Variants in MBNL2 observed in about 807,000 individuals in gnomAD.
MBNL2 encodes muscleblind-like protein 2.
In MBNL2, 17 loss-of-function variants were observed where a neutral mutation model predicts 41.9. That is an observed-to-expected ratio of 0.41 (90% confidence interval 0.28 to 0.61). The LOEUF is 0.61. MBNL2 is among the 20% of genes least tolerant of loss of function. The probability of loss-of-function intolerance (pLI) is 0.35; values close to 1 mark genes in which losing one functional copy is unlikely to be tolerated. For synonymous variants in MBNL2, 195 were observed against 182.9 expected (o/e 1.07, Z -0.53); for missense variants, 336 against 505.6 (o/e 0.66, Z 3.22).
intron 1 of MBNL2, among the ~76,000 whole-genome samples, chr13:97,251,338 T>G (rs566825174): frequency 5.9e-5 from 9 of 152,096 alleles, no homozygotes. Flanking sequence ...TATTACACAT[T>G]GCATGCCTGT....
chr13:97,310,904 C>T (rs1420173989), intron 2 of MBNL2, among the ~76,000 whole-genome samples: 1 of 151,046 alleles, frequency 6.6e-6, no homozygotes, highest in East Asian at 1.9e-4. Flanking sequence ...CTCTGAGTTT[C>T]CTGGCAGTTA....
rs1214893669 is a variant in MBNL2 at position 97,393,534 on chromosome 13, AT to A, written c.*2089del. On this transcript the variant is annotated 3_prime_UTR_variant, in exon 9 of 9. Coordinates refer to ENST00000679496, the MANE Select transcript of MBNL2 (RefSeq NM_001382683.1). ...GACTGTATTTTTTACTATGATATCCATTTTCCAGAATTGTGATTACAATATG... is the reference window on the plus strand; with the variant it reads ...GACTGTATTTTTTACTATGATATCCATTTCCAGAATTGTGATTACAATATG... 6.6e-6 allele frequency: 1 copy of A among 152,382 alleles called. No individual in the cohort carries two copies. Among genetic ancestry groups the A allele is most frequent in the Non-Finnish European group, 1.5e-5 (1 of 67,942 alleles). The allele number at this position is 152,382 out of a possible 1,614,324, so 9.4% of individuals were successfully genotyped here.
chr13:97,385,836 TAGTTCAGCTGTTA>T (rs762135355), intron 8 of MBNL2, among the ~76,000 whole-genome samples: 1 of 152,236 alleles, frequency 6.6e-6, no homozygotes, highest in Non-Finnish European at 1.5e-5. Context: ...GAGGACTGGT[TAGTTCAGCTGTTA>T]AGTTCATGGT....
chr13:97,223,389 A>G (rs2041094115), intron 1 of MBNL2, among the ~76,000 whole-genome samples: 1 of 152,226 alleles, frequency 6.6e-6, no homozygotes, highest in Non-Finnish European at 1.5e-5. Flanking sequence ...GGCCCAGGAG[A>G]AGGAAAGGAT....
chr13:97,218,654 T>A (rs1044148035), upstream of MBNL2, among the ~76,000 whole-genome samples: 61 of 152,042 alleles, frequency 4.0e-4, no homozygotes, highest in African/African-American at 1.4e-3. Flanking sequence ...TGCTTTCTAG[T>A]TAGCATGTCA....
intron 1 of MBNL2, among the ~76,000 whole-genome samples, chr13:97,246,940 G>A (rs994061249): frequency 6.6e-6 from 1 of 152,198 alleles, no homozygotes; most frequent in African/African-American, 2.4e-5. Context: ...GGGTCACAGT[G>A]AGATTGATAA....
At chr13:97,191,193 G>A in the MBNL2 span, among the ~76,000 whole-genome samples, 1 of 151,734 alleles carries the variant, frequency 6.6e-6, no homozygotes, top group Non-Finnish European at 1.5e-5. Flanking sequence ...AGGCAGCCAG[G>A]TGGGAGGGGG....
chr13:97,345,605 T>C (rs2061769504), intron 4 of MBNL2, among the ~76,000 whole-genome samples: 1 of 152,186 alleles, frequency 6.6e-6, no homozygotes, highest in Admixed American at 6.5e-5. Flanking sequence ...TTTTGTCTTT[T>C]TTTTCTTTTC....
chr13:97,336,013 C>T (rs2060849774), intron 3 of MBNL2, among the ~76,000 whole-genome samples: 1 of 152,156 alleles, frequency 6.6e-6, no homozygotes, highest in African/African-American at 2.4e-5. Flanking sequence ...TTATGTGTCT[C>T]ACTTATTTGA....
chr13:97,178,898 A>C, the MBNL2 span, among the ~76,000 whole-genome samples: 1 of 152,224 alleles, frequency 6.6e-6, no homozygotes, highest in Non-Finnish European at 1.5e-5. Context: ...CCTTGTCTCA[A>C]AAACACAAAA....
chr13:97,163,793 T>A, the MBNL2 span, among the ~76,000 whole-genome samples: 1 of 151,880 alleles, frequency 6.6e-6, no homozygotes, highest in Non-Finnish European at 1.5e-5. Context: ...CTGTGATGGG[T>A]GTCCTTATAA....
the MBNL2 span, among the ~76,000 whole-genome samples, chr13:97,163,978 G>T: frequency 6.6e-6 from 1 of 152,000 alleles, no homozygotes; most frequent in East Asian, 1.9e-4. Context: ...ACAGTTCCTT[G>T]GATATATTTT....
chr13:97,375,938 G>A (rs2064926626), intron 8 of MBNL2, among the ~76,000 whole-genome samples: 1 of 152,088 alleles, frequency 6.6e-6, no homozygotes, highest in South Asian at 2.1e-4. Flanking sequence ...GGATATGGTG[G>A]GGCAGTCCTA....
At chr13:97,182,986 A>G in the MBNL2 span, among the ~76,000 whole-genome samples, 4 of 152,334 alleles carry the variant, frequency 2.6e-5, no homozygotes, top group East Asian at 7.7e-4. Context: ...TTACAATATC[A>G]ATAAAAAGTC....
Position 97,351,652 on chromosome 13 carries a change from T to C in MBNL2, c.804+4585T>C, listed in dbSNP as rs960546645. The stretch of plus-strand genomic sequence containing the variant: ...TTCAACCTTGTGAACCAATCTCTGC[T>C]AGCTTCCAACTTTTCTTTTGTAGCT... On this transcript the variant is annotated intron_variant, in intron 5 of 8. Transcript: ENST00000679496. Among the ~76,000 whole-genome samples the C allele has an allele frequency of 5.3e-5, 8 of 152,360 alleles. No homozygotes were observed. The Middle Eastern group carries it at 0.01, about 194-fold the overall frequency.
At chr13:97,184,748 G>A in the MBNL2 span, among the ~76,000 whole-genome samples, 1 of 152,162 alleles carries the variant, frequency 6.6e-6, no homozygotes, top group Admixed American at 6.5e-5. Flanking sequence ...CACTTTGGGA[G>A]GCTGAGGCGG....
At chr13:97,357,455 A>G (rs2063089688) in intron 6 of MBNL2, 27 bp from the exon 7 acceptor site, 1 of 1,604,188 alleles carries the variant, frequency 6.2e-7, no homozygotes. Flanking sequence ...TAAGTTAGAC[A>G]TATCTTATCG....
chr13:97,325,971 A>C (rs1049234362), intron 2 of MBNL2, among the ~76,000 whole-genome samples: 2 of 147,164 alleles, frequency 1.4e-5, no homozygotes, highest in Non-Finnish European at 3.0e-5. Context: ...GGTGGCCTGA[A>C]GGTTTTTCCC....
chr13:97,311,894 C>T (rs1244029579), intron 2 of MBNL2, among the ~76,000 whole-genome samples: 1 of 152,154 alleles, frequency 6.6e-6, no homozygotes, highest in Non-Finnish European at 1.5e-5. Context: ...TTTTGTATAA[C>T]CTGCCCCACA....
Sources: gnomAD v4.1 joint callset for allele counts (sites outside exome capture counted in the v4.1 genomes callset) on GRCh38, gnomAD v4.1.1 for gene constraint, MANE v1.5 for transcripts, NCBI Gene and HGNC (gene_info 2026-07-23, HGNC 2026-07-21) for gene names.